ADAT2: variants seen among roughly 807,000 people sequenced by gnomAD.
ADAT2 encodes adenosine deaminase tRNA specific 2.
In ADAT2, 26 loss-of-function variants were observed where a neutral mutation model predicts 25.9. That is an observed-to-expected ratio of 1.00 (90% CI 0.74 to 1.39). The LOEUF (loss-of-function observed/expected upper bound fraction) is 1.39. Ranked by LOEUF, ADAT2 falls within the 40% of genes most tolerant of loss-of-function variation. The pLI is 0.00. For synonymous variants in ADAT2, 76 were observed against 86.8 expected (o/e 0.88, Z 0.69); for missense variants, 220 against 244.8 (o/e 0.90, Z 0.68).
chr6:143,423,162 G>A lies in ADAT2; in HGVS notation c.*5301C>T, dbSNP rs1003149468. The A allele has an allele frequency of 1.3e-5, 2 of 152,150 alleles. No individual in the cohort carries two copies. The highest frequency in any genetic ancestry group is 2.4e-5 in the African/African-American group (1 of 41,424). The allele number at this position is 152,150 out of a possible 1,614,324, so 9.4% of individuals were successfully genotyped here. ...CTAACATTTTCTCGAAGGGCCAGACGCTAAATATTTTAGGCCTTTGTGAGT... is the reference window on the plus strand; with the variant it reads ...CTAACATTTTCTCGAAGGGCCAGACACTAAATATTTTAGGCCTTTGTGAGT... On this transcript the variant is annotated 3_prime_UTR_variant, in exon 6 of 6. Transcript: ENST00000237283.
Position 143,434,278 on chromosome 6 carries a change from TA to T in ADAT2, c.202-298del, listed in dbSNP as rs1026791935. On this transcript the variant is annotated intron_variant, in intron 2 of 5. Coordinates refer to ENST00000237283, the MANE Select transcript of ADAT2 (RefSeq NM_182503.3). This position sits in a 1 kb window ranked among gnomAD's most constrained non-coding sequence, Gnocchi z 4.5. The stretch of plus-strand genomic sequence containing the variant: ...TAAAATGCCATGGAGAAGGTAAGTC[TA>T]AAAAACAAAGAAAAAAAGATAAAGT... Among the ~76,000 whole-genome samples the T allele has an allele frequency of 2.0e-5, 3 of 152,132 alleles. No homozygotes were observed. Among genetic ancestry groups the T allele is most frequent in the Non-Finnish European group, 4.4e-5 (3 of 68,016 alleles).
rs1779328256 is a variant in ADAT2, at chr6:143,437,603, T to C, written c.201+987A>G. Among the ~76,000 whole-genome samples the C allele has an allele frequency of 6.6e-6, 1 of 152,228 alleles. No homozygotes were observed. The highest frequency in any genetic ancestry group is 1.5e-5 in the Non-Finnish European group (1 of 68,034). On this transcript the variant is annotated intron_variant, in intron 2 of 5. Transcript: ENST00000237283. This position sits in a 1 kb window ranked among gnomAD's most constrained non-coding sequence, Gnocchi z 4.1. Reference sequence around the variant, plus strand: ...ACAGAAGTTACGTATTAAAATATAATCCTGTTCTATTTTATGGCTAAAAAT... The same window carrying C: ...ACAGAAGTTACGTATTAAAATATAACCCTGTTCTATTTTATGGCTAAAAAT...
At position 143,432,275 on chromosome 6, in the gene ADAT2, T is replaced by C. The variant is rs560686317; in HGVS notation, c.459+230A>G. On this transcript the variant is annotated intron_variant, in intron 4 of 5. Coordinates refer to ENST00000237283, the MANE Select transcript of ADAT2 (RefSeq NM_182503.3). This position sits in a 1 kb window ranked among gnomAD's most constrained non-coding sequence, Gnocchi z 4.4. ...TCGGAGTCAGCTGCGAAGGGTGGACTCTCCTTCAGGAGGGAGTCTGTTAAT... is the reference window on the plus strand; with the variant it reads ...TCGGAGTCAGCTGCGAAGGGTGGACCCTCCTTCAGGAGGGAGTCTGTTAAT... Among the ~76,000 whole-genome samples the C allele has an allele frequency of 6.6e-6, 1 of 152,200 alleles. No homozygotes were observed. Among genetic ancestry groups the C allele is most frequent in the South Asian group, 2.1e-4 (1 of 4,812 alleles).
rs1359722857 is a variant in ADAT2 at position 143,444,863 on chromosome 6, G to T, written c.96+5700C>A. 4.4e-6 allele frequency: 5 copies of T among 1,145,170 alleles called. No individual in the cohort carries two copies. In the East Asian group the frequency reaches 2.5e-4, roughly 58 times the overall value. The allele number at this position is 1,145,170 out of a possible 1,614,324, so 70.9% of individuals were successfully genotyped here. On this transcript the variant is annotated intron_variant, in intron 1 of 5. Transcript: ENST00000237283. The surrounding 1 kb of genome is among the most constrained non-coding windows in gnomAD (Gnocchi z 4.3). ...TTCGTAGTTTATTATTTTCTCCAAA[G>T]ACATTACTACTATAAACTGCTTTCT...
At chr6:143,449,574 G>A (rs957032818) in intron 1 of ADAT2, among the ~76,000 whole-genome samples, 1 of 152,130 alleles carries the variant, frequency 6.6e-6, no homozygotes, top group African/African-American at 2.4e-5. Flanking sequence ...TGTTAGGAGG[G>A]CTACATGTCA....
chr6:143,438,479 T>C (rs781511498), intron 2 of ADAT2, 111 bp downstream of exon 2: 5 of 645,592 alleles, frequency 7.7e-6, no homozygotes, highest in Non-Finnish European at 1.3e-5. Flanking sequence ...TACCCACCAC[T>C]GGCAGCTACG....
At position 143,444,845 on chromosome 6, in the gene ADAT2, T is replaced by C. The variant is rs925022249; in HGVS notation, c.96+5718A>G. The C allele has an allele frequency of 4.8e-6, 5 of 1,032,022 alleles. No individual in the cohort carries two copies. In the African/African-American group the frequency reaches 8.8e-5, roughly 18 times the overall value. 63.9% of individuals were successfully genotyped at this position (1,032,022 alleles called of 1,614,324 possible). A position where few individuals can be genotyped will look rare whatever the true frequency, so the allele number is the denominator to read the frequency against. On this transcript the variant is annotated intron_variant, in intron 1 of 5. Transcript: ENST00000237283. This position sits in a 1 kb window ranked among gnomAD's most constrained non-coding sequence, Gnocchi z 4.3. ...CACCTAGATGGAAGAGACTTCGTAG[T>C]TTATTATTTTCTCCAAAGACATTAC...
At chr6:143,448,047 C>T (rs527786328) in intron 1 of ADAT2, among the ~76,000 whole-genome samples, 5 of 152,236 alleles carry the variant, frequency 3.3e-5, no homozygotes, top group African/African-American at 1.2e-4. Flanking sequence ...CTCATATACA[C>T]CATGGAATAC....
chr6:143,429,634 A>C (rs972052522), intron 4 of ADAT2, among the ~76,000 whole-genome samples: 1 of 152,216 alleles, frequency 6.6e-6, no homozygotes, highest in Admixed American at 6.5e-5. Flanking sequence ...AAGGAAAGAA[A>C]GACAAAAAAT....
chr6:143,433,545 C>A (rs1303318590), intron 3 of ADAT2, among the ~76,000 whole-genome samples: 3 of 152,060 alleles, frequency 2.0e-5, no homozygotes, highest in African/African-American at 7.2e-5. Flanking sequence ...TTTTATAATC[C>A]ACTTCAACTT....
At position 143,432,688 on chromosome 6, in the gene ADAT2, C is replaced by A. The variant is rs1188662030; in HGVS notation, c.353-77G>T. 84 of 1,397,200 alleles carry A rather than the reference C, an allele frequency of 6.0e-5. No individual in the cohort carries two copies. Among genetic ancestry groups the A allele is most frequent in the Non-Finnish European group, 8.3e-5 (82 of 987,840 alleles). 86.6% of individuals were successfully genotyped at this position (1,397,200 alleles called of 1,614,324 possible). ...TGACAAAATCAGAGTAGGTTTATAC[C>A]AGCCATCCTGGAGAGGAACGCTCAT... On this transcript the variant is annotated intron_variant, in intron 3 of 5. Transcript: ENST00000237283. This position sits in a 1 kb window ranked among gnomAD's most constrained non-coding sequence, Gnocchi z 4.4.
At position 143,423,645 on chromosome 6, in the gene ADAT2, G is replaced by A. The variant is rs1778843592; in HGVS notation, c.*4818C>T. 1.3e-5 allele frequency: 2 copies of A among 152,172 alleles called. No individual in the cohort carries two copies. Among genetic ancestry groups the A allele is most frequent in the Non-Finnish European group, 2.9e-5 (2 of 68,050 alleles). The allele number at this position is 152,172 out of a possible 1,614,324, so 9.4% of individuals were successfully genotyped here. On this transcript the variant is annotated 3_prime_UTR_variant, in exon 6 of 6. Transcript: ENST00000237283. ...GCTCTGAATACAACCAGAACATGTG[G>A]GGGTTTATAACTAATGGGCAGAGTG...
rs1036189163 is a variant in ADAT2 at position 143,423,717 on chromosome 6, G to C, written c.*4746C>G. On this transcript the variant is annotated 3_prime_UTR_variant, in exon 6 of 6. Transcript: ENST00000237283. ...TTACTAAGAGGAGATATCAAGAGTAGAGTTCTTGCAAAATGAACTTAACAG... is the reference window on the plus strand; with the variant it reads ...TTACTAAGAGGAGATATCAAGAGTACAGTTCTTGCAAAATGAACTTAACAG... The C allele has an allele frequency of 6.6e-6, 1 of 152,214 alleles. No homozygotes were observed. Among genetic ancestry groups the C allele is most frequent in the Non-Finnish European group, 1.5e-5 (1 of 68,048 alleles). 9.4% of individuals were successfully genotyped at this position (152,214 alleles called of 1,614,324 possible).
chr6:143,427,881 C>G lies in ADAT2; in HGVS notation c.*582G>C, dbSNP rs1351233595. ...TAATTTTTAAGTGACAACTCAAGCA[C>G]TTGTTTTAAAAGTATGCATTTTTTC... On this transcript the variant is annotated 3_prime_UTR_variant, in exon 6 of 6. Coordinates refer to ENST00000237283, the MANE Select transcript of ADAT2 (RefSeq NM_182503.3). 6.6e-6 allele frequency: 1 copy of G among 152,222 alleles called. No individual in the cohort carries two copies. Among genetic ancestry groups the G allele is most frequent in the Non-Finnish European group, 1.5e-5 (1 of 68,062 alleles). 9.4% of individuals were successfully genotyped at this position (152,222 alleles called of 1,614,324 possible).
rs573147807 is a variant in ADAT2, at chr6:143,427,442, C to T, written c.*1021G>A. The stretch of plus-strand genomic sequence containing the variant: ...AGTGCGCCCAGAGGGCTGTGCAAAG[C>T]TGCCCTGTAGTCATGGAGGTGAACT... On this transcript the variant is annotated 3_prime_UTR_variant, in exon 6 of 6. Transcript: ENST00000237283. 139 of 152,416 alleles carry T rather than the reference C, an allele frequency of 9.1e-4. No individual in the cohort carries two copies. The highest frequency in any genetic ancestry group is 3.0e-3 in the African/African-American group (125 of 41,596). 9.4% of individuals were successfully genotyped at this position (152,416 alleles called of 1,614,324 possible).
chr6:143,450,455 G>T, intron 1 of ADAT2, 108 bp downstream of exon 1: 1 of 1,193,578 alleles, frequency 8.4e-7, no homozygotes, highest in Non-Finnish European at 1.2e-6. Flanking sequence ...ACATCTGACT[G>T]CCATAAAAAT....
In ADAT2 at chr6:143,444,258, T is replaced by C. The variant is rs1779537439; in HGVS notation, c.97-5564A>G. Among the ~76,000 whole-genome samples, 1 of 152,140 alleles carries C rather than the reference T, an allele frequency of 6.6e-6. No homozygotes were observed. Among genetic ancestry groups the C allele is most frequent in the Non-Finnish European group, 1.5e-5 (1 of 68,018 alleles). On this transcript the variant is annotated intron_variant, in intron 1 of 5. Coordinates refer to ENST00000237283, the MANE Select transcript of ADAT2 (RefSeq NM_182503.3). The surrounding 1 kb of genome is among the most constrained non-coding windows in gnomAD (Gnocchi z 4.3). ...AGAGCAAATATGAGCGATCGGAATA[T>C]TTTAAAAGGACAAATAACGTCATTG... is the stretch of plus-strand genomic sequence containing the variant.
intron 4 of ADAT2, among the ~76,000 whole-genome samples, chr6:143,429,722 T>G (rs931855237): frequency 3.9e-5 from 6 of 152,146 alleles, no homozygotes; most frequent in Admixed American, 1.3e-4. Context: ...CTGAAGTGCA[T>G]GAAGTGACAC....
chr6:143,433,279 C>A (rs1342990242), intron 3 of ADAT2, among the ~76,000 whole-genome samples: 1 of 152,154 alleles, frequency 6.6e-6, no homozygotes, highest in Non-Finnish European at 1.5e-5. Flanking sequence ...AGAGTCTCTG[C>A]ACTATTTAAG....
Sources: allele counts gnomAD v4.1 joint callset (sites outside exome capture counted in the v4.1 genomes callset), GRCh38; gene constraint gnomAD v4.1.1; non-coding constraint Gnocchi (gnomAD v3.1); transcripts MANE v1.5; gene names NCBI Gene and HGNC (gene_info 2026-07-23, HGNC 2026-07-21).